ZCCHC2: variants seen among roughly 807,000 people sequenced by gnomAD.
The protein encoded by ZCCHC2 is zinc finger CCHC-type containing 2, also known as zinc finger CCHC domain-containing protein 2.
In ZCCHC2, 39 loss-of-function variants were observed where a neutral mutation model predicts 103.6. The ratio of observed to expected loss-of-function variants is 0.38; its 90% CI spans 0.29 to 0.49. The LOEUF (loss-of-function observed/expected upper bound fraction) is 0.49. Among genes scored for constraint, ZCCHC2 ranks in the 20% least tolerant of loss-of-function variants. ZCCHC2 has a pLI of 0.96. For synonymous variants in ZCCHC2, 687 were observed against 608.9 expected, an observed-to-expected ratio of 1.13 and a Z score of -1.89; for missense variants, 1,483 against 1,491.0, an observed-to-expected ratio of 0.99 and a Z score of 0.09.
At position 62,524,350 on chromosome 18, in the gene ZCCHC2, G is replaced by A. The variant is rs1459969586; in HGVS notation, c.926G>A (p.Gly309Asp). The A allele has an allele frequency of 1.3e-6, 2 of 1,526,266 alleles. No individual in the cohort carries two copies. Among genetic ancestry groups the A allele is most frequent in the Non-Finnish European group, 1.8e-6 (2 of 1,137,946 alleles). 94.5% of individuals were successfully genotyped at this position (1,526,266 alleles called of 1,614,324 possible). ...GAGGTAGAGCCGTGCAAGTTTGCCG[G>A]CCCCAGGGCCCAGGTAAGGCGCACG... ...EVEVEPCKFA[G>D]PRAQNNSAHG... is the part of the protein sequence containing the mutation. Residue 309 changes from glycine to aspartate, a missense_variant, in exon 1 of 14, where the codon GGC becomes GAC. This residue lies in a region of ZCCHC2 where 568 missense variants were observed against 525.1 expected (regional missense o/e 1.08). Transcript: ENST00000269499.
intron 8 of ZCCHC2, among the ~76,000 whole-genome samples, chr18:62,561,163 C>T (rs1916099162): frequency 2.0e-5 from 3 of 152,214 alleles, no homozygotes; most frequent in South Asian, 2.1e-4. Context: ...AACTGAAGAA[C>T]ACTTGAGTAT....
intron 8 of ZCCHC2, among the ~76,000 whole-genome samples, chr18:62,562,308 T>C (rs1462296763): frequency 6.6e-6 from 1 of 152,106 alleles, no homozygotes; most frequent in Non-Finnish European, 1.5e-5. Context: ...AGCCGTCCCA[T>C]GTCTTTTAAG....
Position 62,524,358 on chromosome 18 carries a change from GC to G in ZCCHC2, c.937del (p.Gln313ArgfsTer17). On this transcript the variant is annotated frameshift_variant, in exon 1 of 14. Transcript: ENST00000269499. LOFTEE classifies it high-confidence loss of function. ...GCCGTGCAAGTTTGCCGGCCCCAGG[GC>G]CCAGGTAAGGCGCACGGAGCCTCCC... ...VEPCKFAGPR[A>X]QNNSAHGDYM... 6.6e-7 allele frequency: 1 copy of G among 1,518,848 alleles called. No individual in the cohort carries two copies. Among genetic ancestry groups the G allele is most frequent in the Non-Finnish European group, 8.8e-7 (1 of 1,135,292 alleles). The allele number at this position is 1,518,848 out of a possible 1,614,324, so 94.1% of individuals were successfully genotyped here.
At chr18:62,543,293 T>G (rs572069280) in intron 3 of ZCCHC2, among the ~76,000 whole-genome samples, 4 of 152,264 alleles carry the variant, frequency 2.6e-5, no homozygotes, top group Non-Finnish European at 1.5e-5. Flanking sequence ...TCCACTAGAA[T>G]GTTTTCTCCT....
At chr18:62,545,732 C>G (rs1284788894) in intron 4 of ZCCHC2, among the ~76,000 whole-genome samples, 3 of 152,114 alleles carry the variant, frequency 2.0e-5, no homozygotes, top group Non-Finnish European at 4.4e-5. Flanking sequence ...CAAAACATTC[C>G]CAACTGACTT....
Position 62,534,661 on chromosome 18 carries a change from CCGTAGTA to C in ZCCHC2, c.940-5018_940-5012del, listed in dbSNP as rs566799900. On this transcript the variant is annotated intron_variant, in intron 1 of 13. Transcript: ENST00000269499. The stretch of plus-strand genomic sequence containing the variant: ...AGAAATGTCTAAATTGGGATGTGTC[CCGTAGTA>C]CAGTTGATTTTTGTCTTGGGTATCA... 7.9e-5 allele frequency among the ~76,000 whole-genome samples: 12 copies of C among 152,210 alleles called. No individual in the cohort carries two copies. In the East Asian group the frequency reaches 2.3e-3, roughly 29 times the overall value.
At chr18:62,533,803 C>T (rs1187306517) in intron 1 of ZCCHC2, among the ~76,000 whole-genome samples, 1 of 140,372 alleles carries the variant, frequency 7.1e-6, no homozygotes, top group African/African-American at 2.7e-5. Flanking sequence ...ACCTGGGAGG[C>T]AGAGATTGCA....
intron 1 of ZCCHC2, 178 bp downstream of exon 1, chr18:62,524,541 C>G: frequency 1.0e-6 from 1 of 986,428 alleles, no homozygotes; most frequent in East Asian, 3.1e-5. Flanking sequence ...CCGCTCCGTT[C>G]CACTCCCCCA....
chr18:62,567,769 AC>A (rs1291767904), intron 11 of ZCCHC2, among the ~76,000 whole-genome samples: 3 of 151,804 alleles, frequency 2.0e-5, no homozygotes, highest in African/African-American at 7.3e-5. Context: ...TCATGGTGAA[AC>A]CCTGTTTCTA....
chr18:62,582,311 A>C (rs1379061892), downstream of ZCCHC2, among the ~76,000 whole-genome samples: 1 of 152,272 alleles, frequency 6.6e-6, no homozygotes, highest in Non-Finnish European at 1.5e-5. Flanking sequence ...GGGATGGAAG[A>C]GACAGGTAGA....
intron 3 of ZCCHC2, 71 bp from the exon 4 acceptor site, chr18:62,544,731 C>A: frequency 7.6e-7 from 1 of 1,309,162 alleles, no homozygotes; most frequent in Non-Finnish European, 1.0e-6. Flanking sequence ...TTTGTTTTTG[C>A]ACATGGCTTT....
chr18:62,541,316 T>C (rs1915166050), intron 2 of ZCCHC2, among the ~76,000 whole-genome samples: 1 of 152,206 alleles, frequency 6.6e-6, no homozygotes, highest in South Asian at 2.1e-4. Context: ...TGACACAAAA[T>C]ACTGGTAATG....
At position 62,574,353 on chromosome 18, in the gene ZCCHC2, A is replaced by T. The variant is rs549717669; in HGVS notation, c.2272A>T (p.Ile758Phe). ...IGMLVPSPVA[I>F]SAIRESANST... is the part of the protein sequence containing the mutation. ...GATGCTTGTTCCTAGTCCTGTTGCT[A>T]TTTCTGCAATAAGGGAGTCTGCAAA... The change falls in exon 13 of 14, where the codon ATT becomes TTT. Residue 758 changes from isoleucine (I) to phenylalanine (F), a missense_variant. Ile to Phe is a conservative substitution (Grantham distance 21, BLOSUM62 0). Around this residue, in one of 3 missense-constraint regions of ZCCHC2, gnomAD observed 884 missense variants for 907.5 expected, o/e 0.97. Coordinates refer to ENST00000269499, the MANE Select transcript of ZCCHC2 (RefSeq NM_017742.6). 6.2e-7 allele frequency: 1 copy of T among 1,614,012 alleles called. No homozygotes were observed. Among genetic ancestry groups the T allele is most frequent in the Non-Finnish European group, 8.5e-7 (1 of 1,179,894 alleles).
At chr18:62,544,518 T>TA (rs1915331153) in intron 3 of ZCCHC2, among the ~76,000 whole-genome samples, 1 of 152,192 alleles carries the variant, frequency 6.6e-6, no homozygotes, top group Non-Finnish European at 1.5e-5. Context: ...GAAAATAACA[T>TA]ATATCCCCTT....
At chr18:62,555,141 C>CT (rs2145512441) in intron 5 of ZCCHC2, among the ~76,000 whole-genome samples, 1 of 152,310 alleles carries the variant, frequency 6.6e-6, no homozygotes, top group Admixed American at 6.5e-5. Flanking sequence ...AGTTGAAAGG[C>CT]TAACTGGCTT....
rs760380499 is a variant in ZCCHC2 at position 62,539,857 on chromosome 18, G to A, written c.1051+65G>A. 2.1e-5 allele frequency: 27 copies of A among 1,288,562 alleles called. No individual in the cohort carries two copies. In the East Asian group the frequency reaches 4.5e-4, roughly 22 times the overall value. 79.8% of individuals were successfully genotyped at this position (1,288,562 alleles called of 1,614,324 possible). Reference sequence around the variant, plus strand: ...CAAAAGATTACAGGGTGCTCTTTACGCTGATTAACTCTAAACTTTTTACTC... The same window carrying A: ...CAAAAGATTACAGGGTGCTCTTTACACTGATTAACTCTAAACTTTTTACTC... On this transcript the variant is annotated intron_variant, in intron 2 of 13. Coordinates refer to ENST00000269499, the MANE Select transcript of ZCCHC2 (RefSeq NM_017742.6).
At chr18:62,549,124 C>T (rs1318769572) in intron 4 of ZCCHC2, among the ~76,000 whole-genome samples, 1 of 151,740 alleles carries the variant, frequency 6.6e-6, no homozygotes, top group Non-Finnish European at 1.5e-5. Context: ...GAGGCTGAGG[C>T]AGGAGAATGG....
intron 11 of ZCCHC2, among the ~76,000 whole-genome samples, chr18:62,569,704 C>A (rs994311193): frequency 1.3e-5 from 2 of 151,996 alleles, no homozygotes; most frequent in Non-Finnish European, 2.9e-5. Flanking sequence ...ATTTTAAATA[C>A]TCCAAGTAAT....
intron 2 of ZCCHC2, among the ~76,000 whole-genome samples, chr18:62,542,282 A>T (rs1239673955): frequency 6.6e-6 from 1 of 152,202 alleles, no homozygotes; most frequent in Admixed American, 6.5e-5. Context: ...TCGTATGGGT[A>T]TAGAAAAAAA....
Sources: allele counts gnomAD v4.1 joint callset (sites outside exome capture counted in the v4.1 genomes callset), GRCh38; gene constraint gnomAD v4.1.1; regional missense constraint gnomAD v4.1.1; transcripts MANE v1.5; gene names NCBI Gene and HGNC (gene_info 2026-07-23, HGNC 2026-07-21).